Variants in MADD observed in about 807,000 individuals in gnomAD.
The protein encoded by MADD is MAP kinase activating death domain.
In MADD, 109 loss-of-function variants were observed where a neutral mutation model predicts 176.7. That is an observed-to-expected ratio of 0.62 (90% CI 0.53 to 0.72). The LOEUF (loss-of-function observed/expected upper bound fraction) is 0.72, where lower values mean the gene tolerates loss of function less well. MADD is among the 30% of genes least tolerant of loss of function. The pLI is 0.00. For synonymous variants in MADD, 771 were observed against 771.3 expected (o/e 1.00, Z 0.01); for missense variants, 1,914 against 2,045.5 (o/e 0.94, Z 1.24).
At chr11:47,309,144 G>T in intron 23 of MADD, 102 bp downstream of exon 26, 1 of 1,545,290 alleles carries the variant, frequency 6.5e-7, no homozygotes, top group Middle Eastern at 1.7e-4. Context: ...GTTAGATCTG[G>T]GGTAGAAAGA....
At chr11:47,307,058 C>A (rs1473166338) in intron 22 of MADD, among the ~76,000 whole-genome samples, 2 of 148,260 alleles carry the variant, frequency 1.3e-5, no homozygotes, top group Non-Finnish European at 3.0e-5. Flanking sequence ...TGCACCATCC[C>A]TCCTGGCTGA....
chr11:47,289,897 G>A (rs1396114893), exon 17 of MADD: 1 of 1,613,976 alleles, frequency 6.2e-7, no homozygotes, highest in Non-Finnish European at 8.5e-7. Context: ...AGGAGGTGGT[G>A]CACAGCGTGC....
intron 16 of MADD, 27 bp from the exon 18 acceptor site, chr11:47,289,840 C>T (rs1277687960): frequency 3.7e-6 from 6 of 1,611,234 alleles, no homozygotes; most frequent in Admixed American, 3.3e-5. Flanking sequence ...AGCTGATGAC[C>T]ACAGAAGCGG....
intron 2 of MADD, 51 bp from the exon 3 acceptor site, chr11:47,274,512 A>G: frequency 7.1e-7 from 1 of 1,414,836 alleles, no homozygotes; most frequent in East Asian, 2.3e-5. Flanking sequence ...TTAAAATTTG[A>G]TAGCCCATTC....
chr11:47,295,437 C>T (rs1344455869), intron 20 of MADD, 59 bp from the exon 23 acceptor site: 5 of 1,357,310 alleles, frequency 3.7e-6, no homozygotes, highest in Non-Finnish European at 1.1e-6. Context: ...TACAGTATTT[C>T]TGTGGGAAAC....
At chr11:47,326,509 CTTCAT>C in intron 30 of MADD, 30 bp from the exon 34 acceptor site, 1 of 1,359,224 alleles carries the variant, frequency 7.4e-7, no homozygotes, top group East Asian at 2.7e-5. Flanking sequence ...AAACTAACGC[CTTCAT>C]TTCTCTCCCA....
intron 8 of MADD, among the ~76,000 whole-genome samples, chr11:47,282,066 C>T (rs1330951889): frequency 6.6e-6 from 1 of 151,932 alleles, no homozygotes; most frequent in Non-Finnish European, 1.5e-5. Context: ...AACTCCTGAC[C>T]TCAGTTGATC....
chr11:47,287,092 G>A (rs1374237606), intron 15 of MADD, among the ~76,000 whole-genome samples: 5 of 152,214 alleles, frequency 3.3e-5, no homozygotes, highest in East Asian at 3.9e-4. Context: ...TTGGGAGGCC[G>A]AGGCGGGTGG....
chr11:47,324,488 G>A (rs773382122), exon 30 of MADD: 7 of 1,613,894 alleles, frequency 4.3e-6, no homozygotes, highest in Non-Finnish European at 4.2e-6. Context: ...ATTGGGTGGC[G>A]AGTTCCCTGT....
chr11:47,277,327 C>T (rs1378901627), intron 5 of MADD, among the ~76,000 whole-genome samples: 1 of 152,204 alleles, frequency 6.6e-6, no homozygotes, highest in Non-Finnish European at 1.5e-5. Flanking sequence ...GAGTCTCCCT[C>T]TATCCCCCAG....
At chr11:47,327,395 A>C in intron 31 of MADD, 2 of 985,224 alleles carry the variant, frequency 2.0e-6, no homozygotes, top group Non-Finnish European at 2.4e-6. Flanking sequence ...TTTGTGCTTC[A>C]TTCTTTTGTG....
At chr11:47,320,877 C>T (rs1314148887) in intron 27 of MADD, among the ~76,000 whole-genome samples, 2 of 152,132 alleles carry the variant, frequency 1.3e-5, no homozygotes, top group Non-Finnish European at 1.5e-5. Context: ...GCTCTGATTA[C>T]ACCACTTCAG....
At chr11:47,290,866 AT>A (rs2064537556) in intron 19 of MADD, 50 bp downstream of exon 20, 1 of 1,425,110 alleles carries the variant, frequency 7.0e-7, no homozygotes, top group African/African-American at 1.4e-5. Context: ...CTTCTTAAAT[AT>A]CCCTTTCTCC....
At chr11:47,310,744 T>G (rs2088029187) in intron 25 of MADD, among the ~76,000 whole-genome samples, 1 of 151,626 alleles carries the variant, frequency 6.6e-6, no homozygotes, top group Non-Finnish European at 1.5e-5. Flanking sequence ...CTGTCTCTAC[T>G]AAAAATACAA....
chr11:47,315,111 A>G, intron 26 of MADD, 109 bp from the exon 30 acceptor site: 1 of 635,840 alleles, frequency 1.6e-6, no homozygotes. Context: ...AGCAGATGAG[A>G]CTGTGCTGAG....
At chr11:47,295,660 G>A in intron 21 of MADD, 81 bp downstream of exon 23, 1 of 1,597,216 alleles carries the variant, frequency 6.3e-7, no homozygotes, top group African/African-American at 1.3e-5. Context: ...TCTCTTTGGA[G>A]GCTGCTCTGA....
exon 13 of MADD, chr11:47,285,126 T>G: frequency 6.2e-7 from 1 of 1,613,998 alleles, no homozygotes; most frequent in Non-Finnish European, 8.5e-7. Flanking sequence ...GCTTTCCCCC[T>G]GAGGAAGATG....
intron 22 of MADD, among the ~76,000 whole-genome samples, chr11:47,296,628 G>A (rs1015943501): frequency 6.6e-6 from 1 of 152,116 alleles, no homozygotes; most frequent in Non-Finnish European, 1.5e-5. Flanking sequence ...ATATTGCTGT[G>A]AGTAGTCTCT....
At chr11:47,324,219 C>T in intron 28 of MADD, 46 bp from the exon 32 acceptor site, 2 of 1,572,566 alleles carry the variant, frequency 1.3e-6, no homozygotes, top group Non-Finnish European at 1.7e-6. Context: ...GGGTGGGGAA[C>T]CCTGGACAGC....
Sources: gnomAD v4.1 joint callset for allele counts (sites outside exome capture counted in the v4.1 genomes callset) on GRCh38, gnomAD v4.1.1 for gene constraint, MANE v1.5 for transcripts, NCBI Gene and HGNC (gene_info 2026-07-23, HGNC 2026-07-21) for gene names.